The following PCSK1 variants were observed in gnomAD, a reference collection of about 807,000 sequenced individuals.
The protein encoded by PCSK1 is proprotein convertase subtilisin/kexin type 1.
A neutral mutation model predicts 90.6 loss-of-function variants in PCSK1; 56 were observed. That is an observed-to-expected ratio of 0.62 (90% CI 0.50 to 0.77). The LOEUF (loss-of-function observed/expected upper bound fraction) is 0.77, where lower values mean the gene tolerates loss of function less well. PCSK1 is among the 30% of genes least tolerant of loss of function. The pLI is 0.00. For synonymous variants in PCSK1, 348 were observed against 342.4 expected (o/e 1.02, Z -0.18); for missense variants, 801 against 932.6 (o/e 0.86, Z 1.84).
intron 6 of PCSK1, among the ~76,000 whole-genome samples, chr5:96,414,463 C>G (rs1269911653): frequency 6.6e-6 from 1 of 152,202 alleles, no homozygotes; most frequent in Admixed American, 6.5e-5. Context: ...CCCTACAAAT[C>G]TAGCCCCTAA....
At chr5:96,422,885 T>A (rs1273849920) in intron 4 of PCSK1, among the ~76,000 whole-genome samples, 2 of 151,542 alleles carry the variant, frequency 1.3e-5, no homozygotes, top group Non-Finnish European at 2.9e-5. Flanking sequence ...TCACTTTGGA[T>A]TTGCATGGAA....
Position 96,433,118 on chromosome 5 carries a change from C to T in PCSK1, c.-76G>A. 7.3e-7 allele frequency: 1 copy of T among 1,371,404 alleles called. No individual in the cohort carries two copies. The highest frequency in any genetic ancestry group is 1.0e-6 in the Non-Finnish European group (1 of 961,746). 85.0% of individuals were successfully genotyped at this position (1,371,404 alleles called of 1,614,324 possible). ...CAAGATAGGAGAAAAGCCAGACAGA[C>T]TCCCCCTTCCCACCCTCGGGCTCTA... On this transcript the variant is annotated 5_prime_UTR_variant, in exon 1 of 14. Transcript: ENST00000311106.
At chr5:96,414,527 A>G (rs1167381160) in intron 6 of PCSK1, among the ~76,000 whole-genome samples, 1 of 152,240 alleles carries the variant, frequency 6.6e-6, no homozygotes, top group African/African-American at 2.4e-5. Context: ...TAACTGACAT[A>G]CAATAGGTGC....
chr5:96,411,403 C>T (rs1760750321), intron 7 of PCSK1, among the ~76,000 whole-genome samples: 1 of 152,232 alleles, frequency 6.6e-6, no homozygotes, highest in African/African-American at 2.4e-5. Context: ...ATCTGCCTTG[C>T]AGCTGCATTA....
At chr5:96,431,590 C>G (rs1761499436) in intron 1 of PCSK1, among the ~76,000 whole-genome samples, 5 of 152,140 alleles carry the variant, frequency 3.3e-5, no homozygotes. Context: ...AAGGGCTGGC[C>G]AAAAGCAAAA....
chr5:96,407,187 A>G (rs1760602740), intron 9 of PCSK1, among the ~76,000 whole-genome samples: 1 of 152,232 alleles, frequency 6.6e-6, no homozygotes, highest in African/African-American at 2.4e-5. Flanking sequence ...AAACATAACT[A>G]CATACATATT....
chr5:96,408,160 G>A, intron 9 of PCSK1, 63 bp downstream of exon 9: 2 of 1,167,096 alleles, frequency 1.7e-6, no homozygotes, highest in South Asian at 1.3e-5. Context: ...AGAAAAAAAA[G>A]TGTTATTAAA....
intron 9 of PCSK1, among the ~76,000 whole-genome samples, chr5:96,404,861 C>A (rs56036020): frequency 1.3e-5 from 2 of 151,958 alleles, no homozygotes; most frequent in African/African-American, 4.8e-5. Context: ...ATGTTGTAAG[C>A]GTTATAATTA....
In PCSK1 at chr5:96,393,313, G is replaced by A. The variant is rs539013443; in HGVS notation, c.1950C>T (p.Ser650=). Residue 650 remains serine, a synonymous_variant, in exon 14 of 14, where the codon AGC becomes AGT. Coordinates refer to ENST00000311106, the MANE Select transcript of PCSK1 (RefSeq NM_000439.5). ...TLVSKSPSSS[S]VGGRRDELEE... The stretch of plus-strand genomic sequence containing the variant: ...CCAACTCATCCCTCCGGCCCCCTAC[G>A]CTGCTGCTGCTGGGGCTTTTGGACA... The A allele has an allele frequency of 8.4e-5, 136 of 1,613,694 alleles. No homozygotes were observed. The South Asian group carries it at 1.2e-3, about 14-fold the overall frequency.
chr5:96,418,038 T>C (rs1007948847), intron 5 of PCSK1, among the ~76,000 whole-genome samples: 2 of 152,190 alleles, frequency 1.3e-5, no homozygotes, highest in Non-Finnish European at 1.5e-5. Context: ...ATCCCCAGGT[T>C]TGTGCCTTTG....
chr5:96,407,448 T>C (rs1439439287), intron 9 of PCSK1, among the ~76,000 whole-genome samples: 1 of 152,232 alleles, frequency 6.6e-6, no homozygotes, highest in Non-Finnish European at 1.5e-5. Context: ...AAAGTAGTTT[T>C]GACAAGGGTT....
chr5:96,396,625 G>T (rs1760159130), intron 12 of PCSK1, among the ~76,000 whole-genome samples: 1 of 150,944 alleles, frequency 6.6e-6, no homozygotes, highest in African/African-American at 2.4e-5. Flanking sequence ...TTACACTTTT[G>T]TCACAGAAGA....
At chr5:96,412,059 C>G (rs1267286411) in intron 7 of PCSK1, among the ~76,000 whole-genome samples, 1 of 152,208 alleles carries the variant, frequency 6.6e-6, no homozygotes, top group African/African-American at 2.4e-5. Flanking sequence ...TGGGGTTTCT[C>G]CATATTGGCC....
At chr5:96,397,992 C>T (rs923310780) in intron 11 of PCSK1, among the ~76,000 whole-genome samples, 4 of 152,016 alleles carry the variant, frequency 2.6e-5, no homozygotes, top group South Asian at 2.1e-4. Flanking sequence ...ATTAATTTAA[C>T]AATCTCTTAT....
chr5:96,390,467 A>G lies in PCSK1; in HGVS notation c.*2534T>C, dbSNP rs909436389. 4.6e-5 allele frequency: 7 copies of G among 152,386 alleles called. No individual in the cohort carries two copies. Among genetic ancestry groups the G allele is most frequent in the African/African-American group, 1.4e-4 (6 of 41,478 alleles). The allele number at this position is 152,386 out of a possible 1,614,324, so 9.4% of individuals were successfully genotyped here. The stretch of plus-strand genomic sequence containing the variant: ...TGTGGAAGTTCCCTTAAGAATACCA[A>G]GACCACACATGTTAAACTCAGCTAC... On this transcript the variant is annotated 3_prime_UTR_variant, in exon 14 of 14. Coordinates refer to ENST00000311106, the MANE Select transcript of PCSK1 (RefSeq NM_000439.5).
At chr5:96,411,646 C>T (rs991669372) in intron 7 of PCSK1, among the ~76,000 whole-genome samples, 15 of 152,144 alleles carry the variant, frequency 9.9e-5, no homozygotes, top group Admixed American at 1.3e-4. Flanking sequence ...AGCATTTCCG[C>T]GCTTGGAAGA....
chr5:96,420,188 G>A (rs554044714), intron 5 of PCSK1, among the ~76,000 whole-genome samples: 19 of 152,294 alleles, frequency 1.2e-4, no homozygotes, highest in South Asian at 2.1e-4. Flanking sequence ...GAGAAGGTAC[G>A]TTGTCACCCA....
intron 10 of PCSK1, among the ~76,000 whole-genome samples, chr5:96,399,289 C>CA (rs1444393728): frequency 1.3e-5 from 2 of 152,140 alleles, no homozygotes; most frequent in African/African-American, 4.8e-5. Context: ...GTAGACCCAT[C>CA]AAAAAGCCCC....
intron 12 of PCSK1, among the ~76,000 whole-genome samples, chr5:96,395,362 G>GA (rs1289019562): frequency 6.6e-6 from 1 of 152,102 alleles, no homozygotes; most frequent in Non-Finnish European, 1.5e-5. Flanking sequence ...ATTCCACTGG[G>GA]AAAAAAGTCA....
Sources: gnomAD v4.1 joint callset for allele counts (sites outside exome capture counted in the v4.1 genomes callset) on GRCh38, gnomAD v4.1.1 for gene constraint, MANE v1.5 for transcripts, NCBI Gene and HGNC (gene_info 2026-07-23, HGNC 2026-07-21) for gene names.